ARSB: variants seen among roughly 807,000 people sequenced by gnomAD.
ARSB encodes the protein arylsulfatase B, also known as N-acetylgalactosamine-4-sulfatase.
In ARSB, 41 loss-of-function variants were observed where a neutral mutation model predicts 50.9. The observed-to-expected ratio is 0.81, with a 90% CI of 0.63 to 1.04. The LOEUF (loss-of-function observed/expected upper bound fraction) is 1.04. Among genes scored for constraint, ARSB ranks in the 50% least tolerant of loss-of-function variants. The pLI is 0.00. For synonymous variants in ARSB, 269 were observed against 284.8 expected (o/e 0.94, Z 0.56); for missense variants, 672 against 693.3 (o/e 0.97, Z 0.35).
chr5:78,946,547 T>C (rs1478242916), intron 4 of ARSB, among the ~76,000 whole-genome samples: 1 of 152,100 alleles, frequency 6.6e-6, no homozygotes, highest in Non-Finnish European at 1.5e-5. Flanking sequence ...TAGGAATAAG[T>C]AGTAAGTAGA....
rs58773415 is a variant in ARSB at position 78,834,607 on chromosome 5, GTATATATA to G, written c.1213+4741_1213+4748del. Among the ~76,000 whole-genome samples, 322 of 85,640 alleles carry G rather than the reference GTATATATA, an allele frequency of 3.8e-3. 3 individuals carry two copies. Among genetic ancestry groups the G allele is most frequent in the African/African-American group, 8.1e-3 (203 of 25,210 alleles). The allele number at this position is 85,640 out of a possible 152,430, so 56.2% of individuals were successfully genotyped here. ...ATACTATTTCATGGTATATATATGTGTATATATATATATATATATATATATATATATAT... is the reference window on the plus strand; with the variant it reads ...ATACTATTTCATGGTATATATATGTGTATATATATATATATATATATATAT... On this transcript the variant is annotated intron_variant, in intron 6 of 7. Coordinates refer to ENST00000264914, the MANE Select transcript of ARSB (RefSeq NM_000046.5).
chr5:78,891,941 C>G (rs1158639930), intron 4 of ARSB, among the ~76,000 whole-genome samples: 1 of 152,118 alleles, frequency 6.6e-6, no homozygotes, highest in Non-Finnish European at 1.5e-5. Context: ...CTGAGAGGAG[C>G]TAAGCACTGT....
chr5:78,984,806 G>T, intron 1 of ARSB, 131 bp downstream of exon 1: 2 of 670,984 alleles, frequency 3.0e-6, no homozygotes, highest in Middle Eastern at 5.2e-4. Context: ...AGAAGCCGCC[G>T]GGACCCATAA....
At chr5:78,879,860 C>G (rs1164337572) in intron 5 of ARSB, among the ~76,000 whole-genome samples, 7 of 152,092 alleles carry the variant, frequency 4.6e-5, no homozygotes, top group African/African-American at 1.4e-4. Flanking sequence ...GAATTTTTCT[C>G]AAGCAATGGG....
intron 6 of ARSB, among the ~76,000 whole-genome samples, chr5:78,807,053 T>C (rs1192753048): frequency 6.6e-6 from 1 of 152,122 alleles, no homozygotes; most frequent in African/African-American, 2.4e-5. Context: ...CTGAGGACAA[T>C]ACAGTGAGTG....
At chr5:78,940,382 C>G (rs1750851336) in intron 4 of ARSB, among the ~76,000 whole-genome samples, 1 of 152,120 alleles carries the variant, frequency 6.6e-6, no homozygotes, top group South Asian at 2.1e-4. Flanking sequence ...ATGGTATTGC[C>G]TACGTTTTTT....
intron 5 of ARSB, among the ~76,000 whole-genome samples, chr5:78,861,140 A>T (rs572379443): frequency 3.0e-4 from 45 of 152,344 alleles, no homozygotes; most frequent in African/African-American, 9.9e-4. Context: ...AACCAAAAAC[A>T]GTCCAGGACC....
intron 5 of ARSB, among the ~76,000 whole-genome samples, chr5:78,857,652 T>C (rs1440830653): frequency 1.3e-5 from 2 of 152,178 alleles, no homozygotes; most frequent in Admixed American, 6.5e-5. Context: ...TAGGCACCCA[T>C]GGGACAGTTC....
chr5:78,933,841 G>T (rs1042944046), intron 4 of ARSB, among the ~76,000 whole-genome samples: 3 of 152,168 alleles, frequency 2.0e-5, no homozygotes, highest in Admixed American at 6.5e-5. Flanking sequence ...AATATAGGGA[G>T]ATTATCCTGG....
chr5:78,912,154 G>A (rs1014973971), intron 4 of ARSB, among the ~76,000 whole-genome samples: 3 of 152,168 alleles, frequency 2.0e-5, no homozygotes, highest in Non-Finnish European at 4.4e-5. Context: ...TACAAGCCAA[G>A]TGGTTCCAGT....
chr5:78,859,565 A>G (rs1246693718), intron 5 of ARSB, among the ~76,000 whole-genome samples: 8 of 152,170 alleles, frequency 5.3e-5, no homozygotes. Flanking sequence ...CAAAGTCCCA[A>G]GGGGATTTTC....
chr5:78,948,155 AG>A (rs909874610), intron 4 of ARSB, among the ~76,000 whole-genome samples: 86 of 152,210 alleles, frequency 5.7e-4, no homozygotes, highest in African/African-American at 2.0e-3. Context: ...GGGTGAGGGT[AG>A]GGGGGAAGTG....
At chr5:78,796,940 G>C (rs889850973) in intron 6 of ARSB, among the ~76,000 whole-genome samples, 3 of 143,082 alleles carry the variant, frequency 2.1e-5, no homozygotes, top group East Asian at 2.1e-4. Context: ...TGCAGTGGCG[G>C]GATCTCGGCT....
chr5:78,925,894 A>G (rs906133314), intron 4 of ARSB, among the ~76,000 whole-genome samples: 2 of 152,218 alleles, frequency 1.3e-5, no homozygotes, highest in Admixed American at 6.5e-5. Context: ...AGTATTTTTA[A>G]AAGACCTTAA....
chr5:78,892,248 CTTTTTTTTTTTTTTTTT>C (rs34960858), intron 4 of ARSB, among the ~76,000 whole-genome samples: 1 of 87,226 alleles, frequency 1.1e-5, no homozygotes, highest in Non-Finnish European at 2.1e-5. Context: ...ATTCTCTATT[CTTTTTTTTTTTTTTTTT>C]TTTTTTTTGA....
chr5:78,819,470 G>T (rs1225329511), intron 6 of ARSB, among the ~76,000 whole-genome samples: 1 of 152,192 alleles, frequency 6.6e-6, no homozygotes, highest in African/African-American at 2.4e-5. Flanking sequence ...GTGAGAAAAG[G>T]TGTCATGAAG....
chr5:78,856,863 G>A (rs1311576391), intron 5 of ARSB, among the ~76,000 whole-genome samples: 1 of 152,116 alleles, frequency 6.6e-6, no homozygotes, highest in Non-Finnish European at 1.5e-5. Flanking sequence ...AATTTCTGAA[G>A]ACATCACTCT....
chr5:78,929,210 G>A (rs904017996), intron 4 of ARSB, among the ~76,000 whole-genome samples: 76 of 152,158 alleles, frequency 5.0e-4, no homozygotes, highest in African/African-American at 1.8e-3. Context: ...CACAGTCCCC[G>A]AGTTCTTTGC....
chr5:78,978,647 T>C (rs1752769662), intron 1 of ARSB, among the ~76,000 whole-genome samples: 1 of 152,190 alleles, frequency 6.6e-6, no homozygotes, highest in African/African-American at 2.4e-5. Context: ...AGTGAGGCAC[T>C]GGCATAAGGA....
Sources: gnomAD v4.1 joint callset for allele counts (sites outside exome capture counted in the v4.1 genomes callset) on GRCh38, gnomAD v4.1.1 for gene constraint, MANE v1.5 for transcripts, NCBI Gene and HGNC (gene_info 2026-07-23, HGNC 2026-07-21) for gene names.